Variants in TMEM51 observed in about 807,000 individuals in gnomAD.
TMEM51 encodes the protein chromosome 1 open reading frame 72.
TMEM51 carries 8 observed loss-of-function variants against 13.6 expected under a neutral mutation model. That is an observed-to-expected ratio of 0.59 (90% CI 0.35 to 1.07). The LOEUF is 1.07. Ranked by LOEUF, TMEM51 falls within the 50% of genes least tolerant of loss-of-function variation. The pLI is 0.02. For synonymous variants in TMEM51, 147 were observed against 144.4 expected (o/e 1.02, Z -0.13); for missense variants, 279 against 330.7 (o/e 0.84, Z 1.21).
At chr1:15,215,485 T>C (rs1644417330) in intron 3 of TMEM51, 54 bp downstream of exon 3, 1 of 1,452,022 alleles carries the variant, frequency 6.9e-7, no homozygotes, top group Admixed American at 2.1e-5. Flanking sequence ...CACGCACGCA[T>C]GCACACACAT....
rs143416843 is a variant in TMEM51, at chr1:15,169,180, C to T, written c.-267+15226C>T. Among the ~76,000 whole-genome samples the T allele has an allele frequency of 7.2e-5, 11 of 152,150 alleles. No homozygotes were observed. In the East Asian group the frequency reaches 1.7e-3, roughly 24 times the overall value. Reference sequence around the variant, plus strand: ...GCCCACAGCTAGAAAGTGAGGGAGTCGGGATTTGAACCCAGCCAGTCTCAT... The same window carrying T: ...GCCCACAGCTAGAAAGTGAGGGAGTTGGGATTTGAACCCAGCCAGTCTCAT... On this transcript the variant is annotated intron_variant, in intron 1 of 3. Coordinates refer to ENST00000376008, the MANE Select transcript of TMEM51 (RefSeq NM_001136218.2).
chr1:15,176,333 A>G (rs1473386636), intron 1 of TMEM51, among the ~76,000 whole-genome samples: 2 of 152,226 alleles, frequency 1.3e-5, no homozygotes, highest in Admixed American at 1.3e-4. Context: ...AACTTTAGTT[A>G]GAGAGAGAAA....
chr1:15,187,408 C>T (rs1643813938), intron 1 of TMEM51, among the ~76,000 whole-genome samples: 1 of 152,220 alleles, frequency 6.6e-6, no homozygotes, highest in African/African-American at 2.4e-5. Flanking sequence ...CTCACTGCGG[C>T]TTCTTCTCTC....
At chr1:15,189,213 C>CT (rs59346950) in intron 1 of TMEM51, among the ~76,000 whole-genome samples, 10,508 of 92,720 alleles carry the variant, frequency 0.11, 1,039 homozygotes, top group Middle Eastern at 0.13. Flanking sequence ...CTAATTTTTC[C>CT]TTTTTTTTTT....
chr1:15,199,896 T>C (rs1644122136), intron 1 of TMEM51, among the ~76,000 whole-genome samples: 1 of 152,144 alleles, frequency 6.6e-6, no homozygotes, highest in Admixed American at 6.5e-5. Flanking sequence ...ACCGTAGCAC[T>C]TCCTTCCCGG....
At chr1:15,166,977 T>C (rs1643025757) in intron 1 of TMEM51, among the ~76,000 whole-genome samples, 1 of 152,112 alleles carries the variant, frequency 6.6e-6, no homozygotes, top group Non-Finnish European at 1.5e-5. Flanking sequence ...GGATATCACG[T>C]AAATAGAATC....
intron 1 of TMEM51, among the ~76,000 whole-genome samples, chr1:15,180,464 C>G (rs917048567): frequency 2.0e-5 from 3 of 152,228 alleles, no homozygotes; most frequent in Non-Finnish European, 2.9e-5. Flanking sequence ...CAGGCACTCT[C>G]TGATCAGTTT....
At chr1:15,190,399 T>A (rs1339407070) in intron 1 of TMEM51, among the ~76,000 whole-genome samples, 1 of 152,160 alleles carries the variant, frequency 6.6e-6, no homozygotes, top group African/African-American at 2.4e-5. Context: ...CGCCCTCTGA[T>A]AAAATGTGTA....
chr1:15,217,636 T>C (rs1186683480), intron 3 of TMEM51, among the ~76,000 whole-genome samples: 2 of 151,822 alleles, frequency 1.3e-5, no homozygotes, highest in Non-Finnish European at 2.9e-5. Flanking sequence ...CGAGGAGAGG[T>C]GAGGGTATAG....
rs1246096523 is a variant in TMEM51, at chr1:15,220,373, C to T, written c.*630C>T. The T allele has an allele frequency of 3.5e-5, 2 of 57,950 alleles. No homozygotes were observed. The highest frequency in any genetic ancestry group is 1.3e-4 in the African/African-American group (2 of 15,854). 3.6% of individuals were successfully genotyped at this position (57,950 alleles called of 1,614,324 possible). On this transcript the variant is annotated 3_prime_UTR_variant, in exon 4 of 4. Transcript: ENST00000376008. ...CACTTAACTAGTCTCTTCTGTGTAA[C>T]AGCAAAAAAAAAAAAAAAAAGAAGA...
chr1:15,164,717 T>C (rs1642922961), intron 1 of TMEM51, among the ~76,000 whole-genome samples: 1 of 151,500 alleles, frequency 6.6e-6, no homozygotes, highest in Non-Finnish European at 1.5e-5. Flanking sequence ...ATATATCAAA[T>C]GATAAACTGG....
At chr1:15,195,470 G>C (rs1644028624) in intron 1 of TMEM51, among the ~76,000 whole-genome samples, 2 of 152,018 alleles carry the variant, frequency 1.3e-5, no homozygotes, top group African/African-American at 4.8e-5. Flanking sequence ...CACATCTTGA[G>C]TCCCATAGAG....
chr1:15,153,183 C>G (rs1369922092), upstream of TMEM51, among the ~76,000 whole-genome samples: 1 of 151,850 alleles, frequency 6.6e-6, no homozygotes, highest in South Asian at 2.1e-4. Context: ...CGCTGGGAAC[C>G]AGCCCAGGGC....
rs552000906 is a variant in TMEM51 at position 15,161,387 on chromosome 1, T to G, written c.-267+7433T>G. Among the ~76,000 whole-genome samples, 18 of 151,766 alleles carry G rather than the reference T, an allele frequency of 1.2e-4. 1 individual carries two copies. The highest frequency in any genetic ancestry group is 4.4e-4 in the African/African-American group (18 of 41,254). On this transcript the variant is annotated intron_variant, in intron 1 of 3. Coordinates refer to ENST00000376008, the MANE Select transcript of TMEM51 (RefSeq NM_001136218.2). The surrounding 1 kb of genome is among the most constrained non-coding windows in gnomAD (Gnocchi z 4.0). ...CCGGTATGGTGGCAGGTGCCTGTAATCCCAGCTACTCAGGAGGCTGACCAC... is the reference window on the plus strand; with the variant it reads ...CCGGTATGGTGGCAGGTGCCTGTAAGCCCAGCTACTCAGGAGGCTGACCAC...
Position 15,207,610 on chromosome 1 carries a change from C to T in TMEM51, c.-266-2880C>T, listed in dbSNP as rs1644273435. ...CTCCCTGGCCCCGACTCCTCCACAC[C>T]CACTGCACAGCCCCTCCCTGCCGGC... is the stretch of plus-strand genomic sequence containing the variant. On this transcript the variant is annotated intron_variant, in intron 1 of 3. Transcript: ENST00000376008. This position sits in a 1 kb window ranked among gnomAD's most constrained non-coding sequence, Gnocchi z 4.6. Among the ~76,000 whole-genome samples, 1 of 152,216 alleles carries T rather than the reference C, an allele frequency of 6.6e-6. No individual in the cohort carries two copies. Among genetic ancestry groups the T allele is most frequent in the Admixed American group, 6.5e-5 (1 of 15,284 alleles).
In TMEM51 at chr1:15,172,387, C is replaced by CAA. The variant is rs34718626; in HGVS notation, c.-267+18453_-267+18454dup. ...CAACAGAGTGAGTGAGACCCTGTCT[C>CAA]AAAAAAAAAAAAAAAAAAAAAGGAA... On this transcript the variant is annotated intron_variant, in intron 1 of 3. Coordinates refer to ENST00000376008, the MANE Select transcript of TMEM51 (RefSeq NM_001136218.2). Among the ~76,000 whole-genome samples, 44 of 75,168 alleles carry CAA rather than the reference C, an allele frequency of 5.9e-4. 1 individual carries two copies. The highest frequency in any genetic ancestry group is 1.5e-3 in the African/African-American group (28 of 18,132). 49.3% of individuals were successfully genotyped at this position (75,168 alleles called of 152,430 possible). A position where few individuals can be genotyped will look rare whatever the true frequency, so the allele number is the denominator to read the frequency against.
chr1:15,193,575 C>CTTTTTTTTTTTTTTTT (rs3078881), intron 1 of TMEM51, among the ~76,000 whole-genome samples: 13 of 114,656 alleles, frequency 1.1e-4, no homozygotes, highest in African/African-American at 2.1e-4. Context: ...TTCTTTCTTT[C>CTTTTTTTTTTTTTTTT]TTTTTTTTTT....
intron 1 of TMEM51, among the ~76,000 whole-genome samples, chr1:15,178,377 A>G (rs957273023): frequency 2.0e-5 from 3 of 152,114 alleles, no homozygotes; most frequent in African/African-American, 7.2e-5. Flanking sequence ...ACACCCCAGG[A>G]TGAGGACTCT....
At position 15,219,412 on chromosome 1, in the gene TMEM51, A is replaced by T. The variant is rs1410163494; in HGVS notation, c.431A>T (p.Glu144Val). 6.2e-7 allele frequency: 1 copy of T among 1,613,622 alleles called. No homozygotes were observed. The highest frequency in any genetic ancestry group is 8.5e-7 in the Non-Finnish European group (1 of 1,179,622). ...YEEVMNTNYSEARGEEQNPRL... is the reference protein window; with the variant it reads ...YEEVMNTNYSVARGEEQNPRL... ...GAAGTGATGAACACAAACTACTCAG[A>T]AGCAAGGGGAGAGGAGCAGAACCCG... Residue 144 changes from glutamate to valine, a missense_variant, in exon 4 of 4, where the codon GAA becomes GTA. Physicochemically the swap from Glu to Val is moderately radical, Grantham distance 121 (BLOSUM62 -2). Coordinates refer to ENST00000376008, the MANE Select transcript of TMEM51 (RefSeq NM_001136218.2).
Sources: allele counts gnomAD v4.1 joint callset (sites outside exome capture counted in the v4.1 genomes callset), GRCh38; gene constraint gnomAD v4.1.1; non-coding constraint Gnocchi (gnomAD v3.1); transcripts MANE v1.5; gene names NCBI Gene and HGNC (gene_info 2026-07-23, HGNC 2026-07-21).